SPTLC3: variants seen among roughly 807,000 people sequenced by gnomAD.
The protein encoded by SPTLC3 is serine palmitoyltransferase 3.
Under a neutral mutation model 59.3 loss-of-function variants are expected in SPTLC3, and 36 were observed. That is an observed-to-expected ratio of 0.61 (90% CI 0.47 to 0.80). SPTLC3 has a LOEUF of 0.80. Ranked by LOEUF, SPTLC3 falls within the 30% of genes least tolerant of loss-of-function variation. The pLI is 0.00. For synonymous variants in SPTLC3, 257 were observed against 240.8 expected (o/e 1.07, Z -0.62); for missense variants, 625 against 685.1 (o/e 0.91, Z 0.98).
At position 13,154,007 on chromosome 20, in the gene SPTLC3, G is replaced by A. The variant is rs552136608; in HGVS notation, c.1284G>A (p.Leu428=). 1.2e-5 allele frequency: 20 copies of A among 1,613,890 alleles called. No individual in the cohort carries two copies. In the South Asian group the frequency reaches 2.1e-4, roughly 17 times the overall value. The change falls in exon 10 of 12, where the codon CTG becomes CTA. Residue 428 remains leucine (L), a synonymous_variant. Coordinates refer to ENST00000399002, the MANE Select transcript of SPTLC3 (RefSeq NM_018327.4). ...IMGLDGTTQG[L]QRVQQLAKNT... ...TTCACGCCTGTCTCTTTTCAGGGCT[G>A]CAGAGAGTACAGCAACTTGCGAAAA...
chr20:13,118,454 AAAAAAC>A (rs1223568777), intron 8 of SPTLC3, among the ~76,000 whole-genome samples: 2 of 151,260 alleles, frequency 1.3e-5, no homozygotes, highest in South Asian at 2.1e-4. Flanking sequence ...TTGTGGAAAA[AAAAAAC>A]AAAAAAAAAC....
intron 3 of SPTLC3, 107 bp downstream of exon 3, chr20:13,072,517 G>A (rs1988482591): frequency 1.6e-6 from 2 of 1,272,632 alleles, no homozygotes; most frequent in Non-Finnish European, 1.1e-6. Context: ...GGAAGCCATT[G>A]GTTTTGTATC....
chr20:13,056,396 A>G (rs1387763360), intron 2 of SPTLC3, among the ~76,000 whole-genome samples: 1 of 151,330 alleles, frequency 6.6e-6, no homozygotes, highest in African/African-American at 2.4e-5. Flanking sequence ...TGCAGTCACT[A>G]TCTTTCTGAT....
chr20:13,117,670 T>C lies in SPTLC3; in HGVS notation c.1097T>C (p.Met366Thr). 6.2e-7 allele frequency: 1 copy of C among 1,613,912 alleles called. No homozygotes were observed. The highest frequency in any genetic ancestry group is 1.7e-4 in the Middle Eastern group (1 of 6,022). The change falls in exon 8 of 12, where the codon ATG (methionine) becomes ACG (threonine). Residue 366 changes from methionine to threonine, a missense_variant. Coordinates refer to ENST00000399002, the MANE Select transcript of SPTLC3 (RefSeq NM_018327.4). ...GACCCTCATGAAGTTGATGTGCTCA[T>C]GGGCACATTCACCAAAAGTTTTGGA... ...GLDPHEVDVL[M>T]GTFTKSFGAS...
Position 13,123,073 on chromosome 20 carries a change from G to C in SPTLC3, c.1153-3518G>C, listed in dbSNP as rs185131577. Among the ~76,000 whole-genome samples the C allele has an allele frequency of 3.9e-5, 6 of 152,312 alleles. No homozygotes were observed. The East Asian group carries it at 1.2e-3, about 29-fold the overall frequency. The stretch of plus-strand genomic sequence containing the variant: ...CGGCCAGGCGTGGTGGCTCATGCCT[G>C]TAATCACAGCACTTTGGGAGGCCAA... On this transcript the variant is annotated intron_variant, in intron 8 of 11. Coordinates refer to ENST00000399002, the MANE Select transcript of SPTLC3 (RefSeq NM_018327.4).
chr20:13,092,074 C>A (rs73898430), intron 5 of SPTLC3, among the ~76,000 whole-genome samples: 1 of 152,130 alleles, frequency 6.6e-6, no homozygotes, highest in African/African-American at 2.4e-5. Context: ...CTGCCCAAAA[C>A]CCTTCCTGAG....
At chr20:13,153,878 A>G (rs2038707031) in intron 9 of SPTLC3, 125 bp from the exon 10 acceptor site, 1 of 1,265,398 alleles carries the variant, frequency 7.9e-7, no homozygotes, top group Admixed American at 2.0e-5. Context: ...TCCCTTCCCT[A>G]CTTCCTCCTC....
At chr20:13,144,420 T>C (rs569346140) in intron 9 of SPTLC3, among the ~76,000 whole-genome samples, 1 of 152,308 alleles carries the variant, frequency 6.6e-6, no homozygotes, top group South Asian at 2.1e-4. Context: ...GAAATAGATG[T>C]AGTAGCTATT....
At chr20:13,043,051 T>C (rs1458598203) in intron 1 of SPTLC3, among the ~76,000 whole-genome samples, 1 of 152,182 alleles carries the variant, frequency 6.6e-6, no homozygotes, top group African/African-American at 2.4e-5. Context: ...ACACTCACAG[T>C]GGTTCTGTTT....
chr20:13,153,142 G>A (rs1353197993), intron 9 of SPTLC3, among the ~76,000 whole-genome samples: 1 of 152,166 alleles, frequency 6.6e-6, no homozygotes, highest in Non-Finnish European at 1.5e-5. Flanking sequence ...CATTCTTATT[G>A]AGCAAACACT....
At chr20:13,018,497 C>T (rs1045941438) in intron 1 of SPTLC3, among the ~76,000 whole-genome samples, 1 of 152,154 alleles carries the variant, frequency 6.6e-6, no homozygotes, top group African/African-American at 2.4e-5. Flanking sequence ...CAAAAGCACA[C>T]CCATTTGAAA....
rs1990627981 is a variant in SPTLC3, at chr20:13,117,519, A to G, written c.946A>G (p.Ile316Val). Residue 316 changes from isoleucine to valine, a missense_variant, in exon 8 of 12, where the codon ATC becomes GTC. Coordinates refer to ENST00000399002, the MANE Select transcript of SPTLC3 (RefSeq NM_018327.4). ...VEGVYSMEGS[I>V]VHLPQIIALK... ...CTTCTGCCCTAGCATGGAAGGTTCCATCGTGCATCTGCCCCAGATCATAGC... is the reference window on the plus strand; with the variant it reads ...CTTCTGCCCTAGCATGGAAGGTTCCGTCGTGCATCTGCCCCAGATCATAGC... 2 of 1,596,316 alleles carry G rather than the reference A, an allele frequency of 1.3e-6. No homozygotes were observed. The highest frequency in any genetic ancestry group is 1.8e-5 in the Admixed American group (1 of 56,942).
intron 1 of SPTLC3, among the ~76,000 whole-genome samples, chr20:13,023,800 G>A (rs1986011832): frequency 6.6e-6 from 1 of 152,064 alleles, no homozygotes; most frequent in South Asian, 2.1e-4. Context: ...TTAAGCAGTG[G>A]AACTTTTTGA....
At chr20:13,109,477 G>T (rs2122698218) in intron 6 of SPTLC3, among the ~76,000 whole-genome samples, 1 of 152,268 alleles carries the variant, frequency 6.6e-6, no homozygotes, top group South Asian at 2.1e-4. Context: ...TCCTCCAGAT[G>T]GTTCTTATGA....
At chr20:13,114,458 A>G (rs1990421573) in intron 7 of SPTLC3, among the ~76,000 whole-genome samples, 1 of 152,222 alleles carries the variant, frequency 6.6e-6, no homozygotes, top group Non-Finnish European at 1.5e-5. Flanking sequence ...GCATAGCTGG[A>G]GCACTAACTT....
At chr20:13,085,989 A>G (rs867978224) in intron 4 of SPTLC3, among the ~76,000 whole-genome samples, 27 of 152,324 alleles carry the variant, frequency 1.8e-4, no homozygotes, top group Middle Eastern at 3.4e-3. Flanking sequence ...TTGGAGATCC[A>G]CTGTCAATAG....
intron 1 of SPTLC3, among the ~76,000 whole-genome samples, chr20:13,043,673 T>C (rs1987093673): frequency 6.6e-6 from 1 of 152,202 alleles, no homozygotes; most frequent in South Asian, 2.1e-4. Flanking sequence ...TCTACAATTA[T>C]GCTTAATCTA....
chr20:13,071,452 T>C (rs1216051166), intron 2 of SPTLC3, among the ~76,000 whole-genome samples: 3 of 152,216 alleles, frequency 2.0e-5, no homozygotes, highest in Non-Finnish European at 4.4e-5. Context: ...ATTATTCTGA[T>C]GCAGATGATT....
intron 7 of SPTLC3, among the ~76,000 whole-genome samples, chr20:13,111,763 A>G (rs932628585): frequency 3.9e-5 from 6 of 152,208 alleles, no homozygotes; most frequent in African/African-American, 1.4e-4. Flanking sequence ...ATCTCCTTTA[A>G]GCAGAGTAAA....
Sources: allele counts gnomAD v4.1 joint callset (sites outside exome capture counted in the v4.1 genomes callset), GRCh38; gene constraint gnomAD v4.1.1; transcripts MANE v1.5; gene names NCBI Gene and HGNC (gene_info 2026-07-23, HGNC 2026-07-21).